HNRNPF: variants seen among roughly 807,000 people sequenced by gnomAD.
HNRNPF encodes the protein HnRNP F protein.
Under a neutral mutation model 26.0 loss-of-function variants are expected in HNRNPF, and 2 were observed. The observed-to-expected ratio is 0.08, with a 90% CI of 0.03 to 0.24. HNRNPF has a LOEUF of 0.24. Ranked by LOEUF, HNRNPF falls within the 10% of genes least tolerant of loss-of-function variation. HNRNPF has a pLI of 1.00. For synonymous variants in HNRNPF, 234 were observed against 211.5 expected, an observed-to-expected ratio of 1.11 and a Z score of -0.92; for missense variants, 299 against 539.2, an observed-to-expected ratio of 0.55 and a Z score of 4.41.
intron 1 of HNRNPF, among the ~76,000 whole-genome samples, chr10:43,407,453 G>T (rs1015703948): frequency 5.3e-5 from 8 of 152,084 alleles, no homozygotes; most frequent in African/African-American, 7.2e-5. Flanking sequence ...AGGCGCCTAG[G>T]GGGAGGGGTT....
In HNRNPF at chr10:43,387,176, T is replaced by C; in HGVS notation, c.709A>G (p.Ser237Gly). The C allele has an allele frequency of 2.5e-6, 4 of 1,614,210 alleles. No homozygotes were observed. Among genetic ancestry groups the C allele is most frequent in the Non-Finnish European group, 3.4e-6 (4 of 1,180,040 alleles). The change falls in exon 4 of 4, where the codon AGC (serine) becomes GGC (glycine). Residue 237 changes from serine to glycine, a missense_variant. Physicochemically the swap from Ser to Gly is moderately conservative, Grantham distance 56 (BLOSUM62 0). Around this residue, in one of 6 missense-constraint regions of HNRNPF, gnomAD observed 74 missense variants for 77.7 expected, o/e 0.95. Transcript: ENST00000682386. This position sits in a 1 kb window ranked among gnomAD's most constrained non-coding sequence, Gnocchi z 6.0. ...GLERMRPGAYSTGYGGYEEYS... is the reference protein window; with the variant it reads ...GLERMRPGAYGTGYGGYEEYS... ...TCCTCGTAGCCCCCGTAGCCTGTGC[T>C]GTAGGCACCAGGCCTCATCCTTTCC...
At chr10:43,408,552 A>G (rs1839003574) in intron 1 of HNRNPF, among the ~76,000 whole-genome samples, 1 of 151,968 alleles carries the variant, frequency 6.6e-6, no homozygotes, top group Non-Finnish European at 1.5e-5. Context: ...CCCCAGCCCA[A>G]CGATCCCCAC....
intron 2 of HNRNPF, among the ~76,000 whole-genome samples, 157 bp downstream of exon 2, chr10:43,396,299 T>A (rs1010308990): frequency 6.6e-6 from 1 of 152,264 alleles, no homozygotes; most frequent in Admixed American, 6.5e-5. Flanking sequence ...TGGCCTCCCC[T>A]CCTAGACACA....
chr10:43,394,965 C>G (rs563520027), intron 2 of HNRNPF, among the ~76,000 whole-genome samples: 2 of 152,160 alleles, frequency 1.3e-5, no homozygotes, highest in African/African-American at 4.8e-5. Flanking sequence ...GTATTACAGG[C>G]GTGCACCACC....
At chr10:43,392,904 C>T (rs1838310579) in intron 3 of HNRNPF, among the ~76,000 whole-genome samples, 1 of 152,188 alleles carries the variant, frequency 6.6e-6, no homozygotes, top group East Asian at 1.9e-4. Context: ...TGTGCCACAA[C>T]TAAACCTCAC....
chr10:43,407,618 A>G (rs1838969489), intron 1 of HNRNPF: 1 of 151,748 alleles, frequency 6.6e-6, no homozygotes, highest in Non-Finnish European at 1.5e-5. Flanking sequence ...GGAATCGACG[A>G]AAATACTTAA....
Position 43,387,596 on chromosome 10 carries a change from A to G in HNRNPF, c.289T>C (p.Leu97=), listed in dbSNP as rs139051340. The G allele has an allele frequency of 2.4e-4, 391 of 1,614,118 alleles. 1 individual carries two copies. The highest frequency in any genetic ancestry group is 1.5e-4 in the Non-Finnish European group (180 of 1,180,006). The stretch of plus-strand genomic sequence containing the variant: ...GCACTGTTGGGACCACTGTGCTTCA[A>G]CACCCAATCCATCTCGGTTCTGTGG... ...KSHRTEMDWV[L]KHSGPNSADS... Residue 97 remains leucine, a synonymous_variant, in exon 4 of 4, where the codon TTG becomes CTG. Coordinates refer to ENST00000682386, the MANE Select transcript of HNRNPF (RefSeq NM_001098204.2). The surrounding 1 kb of genome is among the most constrained non-coding windows in gnomAD (Gnocchi z 6.0).
At chr10:43,401,136 G>A (rs1829884575) in intron 1 of HNRNPF, among the ~76,000 whole-genome samples, 1 of 151,668 alleles carries the variant, frequency 6.6e-6, no homozygotes, top group African/African-American at 2.4e-5. Flanking sequence ...CATTTTAAAT[G>A]TTTACTCCAT....
intron 1 of HNRNPF, among the ~76,000 whole-genome samples, chr10:43,400,098 C>G (rs1838706783): frequency 6.6e-6 from 1 of 152,118 alleles, no homozygotes; most frequent in Non-Finnish European, 1.5e-5. Context: ...GTAACTCCAG[C>G]ACTTTGGGAG....
At chr10:43,390,188 T>C (rs1347409264) in intron 3 of HNRNPF, among the ~76,000 whole-genome samples, 1 of 151,988 alleles carries the variant, frequency 6.6e-6, no homozygotes, top group Non-Finnish European at 1.5e-5. Context: ...CCTTGGAGAG[T>C]CAGGGCAAGT....
In HNRNPF at chr10:43,386,678, C is replaced by A. The variant is rs1470414636; in HGVS notation, c.1207G>T (p.Ala403Ser). The change falls in exon 4 of 4, where the codon GCC becomes TCC. Residue 403 changes from alanine to serine, a missense_variant. By Grantham distance (99) the Ala-to-Ser change is moderately conservative. Around this residue, in one of 6 missense-constraint regions of HNRNPF, gnomAD observed 53 missense variants for 72.4 expected, o/e 0.73. Transcript: ENST00000682386. Reference sequence around the variant, plus strand: ...ATGCTGTTCTGCCCACTGTAGCCGGCCCCGTAACAGCCACTCACTGACTGG... The same window carrying A: ...ATGCTGTTCTGCCCACTGTAGCCGGACCCGTAACAGCCACTCACTGACTGG... ...ESQSVSGCYG[A>S]GYSGQNSMGG... 2.5e-6 allele frequency: 4 copies of A among 1,586,970 alleles called. No individual in the cohort carries two copies. The highest frequency in any genetic ancestry group is 2.6e-6 in the Non-Finnish European group (3 of 1,172,424).
Position 43,386,557 on chromosome 10 carries a change from TTCC to T in HNRNPF, c.*77_*79del. The T allele has an allele frequency of 7.5e-7, 1 of 1,326,966 alleles. No individual in the cohort carries two copies. The highest frequency in any genetic ancestry group is 1.5e-5 in the African/African-American group (1 of 68,312). The allele number at this position is 1,326,966 out of a possible 1,614,324, so 82.2% of individuals were successfully genotyped here. On this transcript the variant is annotated 3_prime_UTR_variant, in exon 4 of 4. Transcript: ENST00000682386. ...CATGGTGCAAAATGGGTCCCCCAGC[TTCC>T]TCTATTATAACTGCTCTTAATTGCT...
At chr10:43,400,869 G>A (rs373552433) in intron 1 of HNRNPF, among the ~76,000 whole-genome samples, 6 of 152,162 alleles carry the variant, frequency 3.9e-5, no homozygotes, top group Admixed American at 2.6e-4. Context: ...AGGCCGAGGC[G>A]GGTGGATCAC....
intron 1 of HNRNPF, among the ~76,000 whole-genome samples, chr10:43,406,899 CTT>C (rs1838936481): frequency 6.6e-6 from 1 of 152,094 alleles, no homozygotes; most frequent in South Asian, 2.1e-4. Context: ...CAATCTCTCT[CTT>C]AATATTCATT....
chr10:43,401,036 C>G (rs1217541464), intron 1 of HNRNPF, among the ~76,000 whole-genome samples: 1 of 151,956 alleles, frequency 6.6e-6, no homozygotes, highest in Non-Finnish European at 1.5e-5. Context: ...GAGCCCAGAT[C>G]GCACCACTGC....
chr10:43,393,038 C>G (rs1055893611), intron 3 of HNRNPF, among the ~76,000 whole-genome samples: 6 of 152,220 alleles, frequency 3.9e-5, no homozygotes, highest in African/African-American at 1.4e-4. Context: ...CAACTCAACT[C>G]CCTTGGGTGA....
chr10:43,398,332 TTTG>T (rs1242853648), intron 1 of HNRNPF, among the ~76,000 whole-genome samples: 28 of 143,594 alleles, frequency 1.9e-4, no homozygotes, highest in East Asian at 6.0e-4. Context: ...CTGTTTGGAG[TTTG>T]TTGTTGTTGT....
intron 1 of HNRNPF, among the ~76,000 whole-genome samples, chr10:43,407,083 G>A (rs988927169): frequency 1.3e-5 from 2 of 152,140 alleles, no homozygotes; most frequent in Non-Finnish European, 2.9e-5. Context: ...TAACTAAGTA[G>A]AAAGAATTAT....
chr10:43,389,664 G>A (rs1838167265), intron 3 of HNRNPF, among the ~76,000 whole-genome samples: 2 of 152,124 alleles, frequency 1.3e-5, no homozygotes, highest in Admixed American at 1.3e-4. Flanking sequence ...CCAATAACAA[G>A]CATAATGGCA....
Sources: allele counts gnomAD v4.1 joint callset (sites outside exome capture counted in the v4.1 genomes callset), GRCh38; gene constraint gnomAD v4.1.1; regional missense constraint gnomAD v4.1.1; non-coding constraint Gnocchi (gnomAD v3.1); transcripts MANE v1.5; gene names NCBI Gene and HGNC (gene_info 2026-07-23, HGNC 2026-07-21).